LRBA: variants seen among roughly 807,000 people sequenced by gnomAD.
LRBA encodes the protein LPS responsive beige-like anchor protein.
Under a neutral mutation model 330.0 loss-of-function variants are expected in LRBA, and 176 were observed. The ratio of observed to expected loss-of-function variants is 0.53; its 90% CI spans 0.47 to 0.60. The LOEUF is 0.60. Ranked by LOEUF, LRBA falls within the 20% of genes least tolerant of loss-of-function variation. The pLI is 0.00. For missense variants in LRBA, 3,259 were observed against 3,444.8 expected, an observed-to-expected ratio of 0.95 and a Z score of 1.35; for synonymous variants, 1,230 against 1,193.0, an observed-to-expected ratio of 1.03 and a Z score of -0.64.
chr4:150,613,033 C>A (rs1473766321), intron 37 of LRBA, among the ~76,000 whole-genome samples: 1 of 152,076 alleles, frequency 6.6e-6, no homozygotes, highest in Non-Finnish European at 1.5e-5. Context: ...AAATTGGAAG[C>A]AGTCTCATTT....
chr4:150,841,931 C>G (rs570582158), intron 28 of LRBA, among the ~76,000 whole-genome samples: 4 of 152,150 alleles, frequency 2.6e-5, no homozygotes, highest in Non-Finnish European at 5.9e-5. Context: ...GCTGGGATTA[C>G]AGGTGTGAGC....
chr4:150,963,869 T>A (rs1441495788), intron 2 of LRBA, among the ~76,000 whole-genome samples: 1 of 136,668 alleles, frequency 7.3e-6, no homozygotes, highest in Admixed American at 7.2e-5. Flanking sequence ...CGTCTCTGCC[T>A]GGCCGCCCAT....
At chr4:150,679,293 C>A (rs555946766) in intron 37 of LRBA, among the ~76,000 whole-genome samples, 37 of 152,226 alleles carry the variant, frequency 2.4e-4, no homozygotes, top group African/African-American at 8.7e-4. Flanking sequence ...ATTAAAAATT[C>A]TTTAGGCCTG....
rs70941427 is a variant in LRBA at position 150,690,927 on chromosome 4, CTTTTTTTTTTTT to C, written c.5755-7222_5755-7211del. On this transcript the variant is annotated intron_variant, in intron 36 of 56. Transcript: ENST00000651943. Reference sequence around the variant, plus strand: ...TTTATCAAAATTTAAAACACCTGGTCTTTTTTTTTTTTTTTTTTTTTAGACAGAGTCTCGCTC... The same window carrying C: ...TTTATCAAAATTTAAAACACCTGGTCTTTTTTTTTAGACAGAGTCTCGCTC... Among the ~76,000 whole-genome samples, 700 of 106,320 alleles carry C rather than the reference CTTTTTTTTTTTT, an allele frequency of 6.6e-3. 4 individuals are homozygous for C. The highest frequency in any genetic ancestry group is 0.011 in the Non-Finnish European group (556 of 50,394). The allele number at this position is 106,320 out of a possible 152,430, so 69.8% of individuals were successfully genotyped here.
intron 46 of LRBA, chr4:150,422,755 C>G (rs532163622): frequency 4.9e-5 from 61 of 1,236,698 alleles, no homozygotes; most frequent in Non-Finnish European, 6.6e-5. Flanking sequence ...TTCTTCATGA[C>G]CTGGTGGCCA....
intron 34 of LRBA, among the ~76,000 whole-genome samples, chr4:150,787,233 A>C (rs1245118021): frequency 6.6e-6 from 1 of 152,026 alleles, no homozygotes; most frequent in Non-Finnish European, 1.5e-5. Context: ...AAAAAAAAAA[A>C]CACTGATTCA....
At chr4:150,313,676 G>A (rs79739702) in intron 51 of LRBA, among the ~76,000 whole-genome samples, 5,483 of 151,806 alleles carry the variant, frequency 0.036, 239 homozygotes, top group African/African-American at 0.097. Context: ...GTAGAGTTAA[G>A]AACAGCTTGA....
intron 36 of LRBA, among the ~76,000 whole-genome samples, chr4:150,713,976 T>A (rs892455473): frequency 6.6e-6 from 1 of 152,190 alleles, no homozygotes; most frequent in Non-Finnish European, 1.5e-5. Context: ...TCAATTAGTT[T>A]GTGAGCCAGT....
At chr4:150,781,375 A>G (rs1486885527) in intron 34 of LRBA, among the ~76,000 whole-genome samples, 2 of 152,350 alleles carry the variant, frequency 1.3e-5, no homozygotes, top group East Asian at 3.9e-4. Flanking sequence ...AGCTGCACGC[A>G]CAGTTCACAA....
At chr4:150,411,835 A>G (rs931952430) in intron 47 of LRBA, among the ~76,000 whole-genome samples, 9 of 152,210 alleles carry the variant, frequency 5.9e-5, no homozygotes, top group African/African-American at 1.7e-4. Flanking sequence ...AGTAGTATGC[A>G]TTTCATGAGC....
chr4:150,883,968 C>T (rs1285079883), intron 17 of LRBA, among the ~76,000 whole-genome samples: 4 of 151,684 alleles, frequency 2.6e-5, no homozygotes, highest in South Asian at 2.1e-4. Context: ...GGAATAAAAC[C>T]GAAAAAAATT....
chr4:150,583,185 C>T lies in LRBA; in HGVS notation c.6330+4863G>A. On this transcript the variant is annotated intron_variant, in intron 40 of 56. Coordinates refer to ENST00000651943, the MANE Select transcript of LRBA (RefSeq NM_001364905.1). This position sits in a 1 kb window ranked among gnomAD's most constrained non-coding sequence, Gnocchi z 9.8. ...AAGTGGAGGTGCAGGAGCCTCGCTT[C>T]ATCAGCTCCTTGAGCGAGATCGATG... 1 of 1,614,220 alleles carries T rather than the reference C, an allele frequency of 6.2e-7. No individual in the cohort carries two copies. The highest frequency in any genetic ancestry group is 1.1e-5 in the South Asian group (1 of 91,078).
intron 5 of LRBA, among the ~76,000 whole-genome samples, chr4:150,919,547 T>G (rs1733017658): frequency 6.6e-6 from 1 of 152,062 alleles, no homozygotes; most frequent in Non-Finnish European, 1.5e-5. Flanking sequence ...ACTTCAAGAG[T>G]GAACGTTGCA....
Position 150,942,451 on chromosome 4 carries a change from C to G in LRBA, c.217-13386G>C, listed in dbSNP as rs541250976. ...TCTTAAGGCCCAGCTCAAGAAATAT[C>G]TCTCTGAGAACCATTTTGACCTCTC... is the stretch of plus-strand genomic sequence containing the variant. On this transcript the variant is annotated intron_variant, in intron 2 of 56. Coordinates refer to ENST00000651943, the MANE Select transcript of LRBA (RefSeq NM_001364905.1). Among the ~76,000 whole-genome samples the G allele has an allele frequency of 1.4e-4, 22 of 152,212 alleles. No individual in the cohort carries two copies. In the Admixed American group the frequency reaches 1.4e-3, roughly 10 times the overall value.
rs1736919529 is a variant in LRBA, at chr4:150,349,994, C to G, written c.7360G>C (p.Glu2454Gln). 1 of 1,613,490 alleles carries G rather than the reference C, an allele frequency of 6.2e-7. No homozygotes were observed. Among genetic ancestry groups the G allele is most frequent in the Non-Finnish European group, 8.5e-7 (1 of 1,179,690 alleles). The change falls in exon 48 of 57, where the codon GAG becomes CAG. Residue 2454 changes from glutamate to glutamine, a missense_variant and splice_region_variant. Transcript: ENST00000651943. ...CTTTCTCAATTCAGATAACTTACCTCTCTCAACACAGGATCAGTTATTGAA... is the reference window on the plus strand; with the variant it reads ...CTTTCTCAATTCAGATAACTTACCTGTCTCAACACAGGATCAGTTATTGAA... ...LNSITDPVLR[E>Q]AVEAQIRSFG...
chr4:150,296,716 T>A (rs1365971337), intron 53 of LRBA, among the ~76,000 whole-genome samples: 1 of 152,118 alleles, frequency 6.6e-6, no homozygotes, highest in African/African-American at 2.4e-5. Flanking sequence ...AAAATGGTTA[T>A]CTTTTCATAA....
intron 33 of LRBA, among the ~76,000 whole-genome samples, chr4:150,803,073 A>ATATAT (rs1553964864): frequency 1.3e-3 from 43 of 33,670 alleles, no homozygotes; most frequent in African/African-American, 2.2e-3. Context: ...AAACAAAAAA[A>ATATAT]AAATATATAT....
intron 28 of LRBA, among the ~76,000 whole-genome samples, chr4:150,833,380 G>A (rs1747492344): frequency 6.6e-6 from 1 of 151,890 alleles, no homozygotes; most frequent in Non-Finnish European, 1.5e-5. Context: ...CAAGCAGAAG[G>A]TAAATTTAAA....
intron 17 of LRBA, among the ~76,000 whole-genome samples, chr4:150,881,129 C>T (rs1019864146): frequency 2.6e-5 from 4 of 152,156 alleles, no homozygotes; most frequent in African/African-American, 7.2e-5. Context: ...TCTCAAAAAA[C>T]TTTGAACTAC....
Sources: allele counts gnomAD v4.1 joint callset (sites outside exome capture counted in the v4.1 genomes callset), GRCh38; gene constraint gnomAD v4.1.1; non-coding constraint Gnocchi (gnomAD v3.1); transcripts MANE v1.5; gene names NCBI Gene and HGNC (gene_info 2026-07-23, HGNC 2026-07-21).